The following MYO16 variants were observed in gnomAD, a reference collection of about 807,000 sequenced individuals.
MYO16 encodes the protein unconventional myosin-XVI.
Under a neutral mutation model 205.3 loss-of-function variants are expected in MYO16, and 94 were observed. That is an observed-to-expected ratio of 0.46 (90% CI 0.39 to 0.54). The LOEUF is 0.54. MYO16 is among the 20% of genes least tolerant of loss of function. The pLI is 0.00. For synonymous variants in MYO16, 988 were observed against 954.0 expected (o/e 1.04, Z -0.66); for missense variants, 2,315 against 2,387.5 (o/e 0.97, Z 0.63).
chr13:108,663,371 C>T (rs890946450), intron 1 of MYO16, among the ~76,000 whole-genome samples: 13 of 151,810 alleles, frequency 8.6e-5, no homozygotes, highest in Non-Finnish European at 1.5e-4. Context: ...TAGACATATA[C>T]GTACATGACA....
intron 1 of MYO16, among the ~76,000 whole-genome samples, chr13:108,641,548 T>C (rs1594168037): frequency 6.6e-6 from 1 of 152,168 alleles, no homozygotes; most frequent in Admixed American, 6.5e-5. Flanking sequence ...ATTTTAACTA[T>C]ATTAAAGTCA....
At chr13:108,560,722 A>G in the MYO16 span, among the ~76,000 whole-genome samples, 1 of 152,216 alleles carries the variant, frequency 6.6e-6, no homozygotes, top group Non-Finnish European at 1.5e-5. Flanking sequence ...TAGGAAATAC[A>G]AACAAAAGTT....
intron 1 of MYO16, among the ~76,000 whole-genome samples, chr13:108,615,177 T>C (rs895465303): frequency 6.6e-6 from 1 of 152,006 alleles, no homozygotes; most frequent in African/African-American, 2.4e-5. Flanking sequence ...ACATAAACAA[T>C]TGATCAATAA....
At chr13:108,802,985 A>G (rs1197336936) in intron 6 of MYO16, among the ~76,000 whole-genome samples, 2 of 152,238 alleles carry the variant, frequency 1.3e-5, no homozygotes, top group Non-Finnish European at 2.9e-5. Flanking sequence ...ATCGTTAAAT[A>G]GAAATAAATG....
At chr13:109,023,145 T>G (rs2139527451) in intron 23 of MYO16, among the ~76,000 whole-genome samples, 1 of 130,520 alleles carries the variant, frequency 7.7e-6, no homozygotes, top group South Asian at 2.3e-4. Flanking sequence ...ATGTATATGT[T>G]TATGTATTAT....
At chr13:108,540,429 G>T in the MYO16 span, among the ~76,000 whole-genome samples, 10,247 of 152,110 alleles carry the variant, frequency 0.067, 445 homozygotes, top group Admixed American at 0.12. Context: ...TTTACTCACA[G>T]TGACACTTTA....
intron 9 of MYO16, among the ~76,000 whole-genome samples, chr13:108,835,656 T>G (rs1251965688): frequency 6.6e-6 from 1 of 152,116 alleles, no homozygotes; most frequent in East Asian, 1.9e-4. Context: ...TTGACCAAAA[T>G]GCAGATAGTG....
the MYO16 span, among the ~76,000 whole-genome samples, chr13:108,508,531 T>C: frequency 1.3e-5 from 2 of 152,200 alleles, no homozygotes; most frequent in African/African-American, 2.4e-5. Flanking sequence ...ATCTAAAGTA[T>C]GCAAGTTTTG....
In MYO16 at chr13:108,802,213, G is replaced by A. The variant is rs60431935; in HGVS notation, c.742-4466G>A. Among the ~76,000 whole-genome samples, 512 of 152,068 alleles carry A rather than the reference G, an allele frequency of 3.4e-3. 24 individuals carry two copies. In the East Asian group the frequency reaches 0.084, roughly 25 times the overall value. On this transcript the variant is annotated intron_variant, in intron 6 of 34. Transcript: ENST00000457511. ...ATTTCTGCTGTCTAGTTGAAACTTC[G>A]AACCCTTCGACCAACAACTCTTCAT...
chr13:109,195,258 A>C (rs970698323), intron 34 of MYO16, among the ~76,000 whole-genome samples: 1 of 152,174 alleles, frequency 6.6e-6, no homozygotes, highest in Non-Finnish European at 1.5e-5. Flanking sequence ...CTTTTAAAGG[A>C]TATTTTCCCC....
chr13:109,081,929 A>T (rs1031217213), intron 27 of MYO16, among the ~76,000 whole-genome samples: 11 of 152,038 alleles, frequency 7.2e-5, no homozygotes, highest in African/African-American at 2.7e-4. Context: ...AAATCCACTC[A>T]GCAGCCTGTT....
intron 32 of MYO16, among the ~76,000 whole-genome samples, chr13:109,150,646 C>T (rs1346362820): frequency 3.3e-5 from 5 of 152,180 alleles, no homozygotes; most frequent in Admixed American, 2.6e-4. Context: ...CCTTTACAAC[C>T]GGGATGCTCT....
Position 109,162,397 on chromosome 13 carries a change from C to G in MYO16, c.5165-2504C>G, listed in dbSNP as rs911533155. 1.3e-5 allele frequency among the ~76,000 whole-genome samples: 2 copies of G among 152,160 alleles called. No individual in the cohort carries two copies. The highest frequency in any genetic ancestry group is 4.8e-5 in the African/African-American group (2 of 41,430). The stretch of plus-strand genomic sequence containing the variant: ...AGTTCCTCTTTGGTGGTTTCCCAGG[C>G]CCTGACTCATTAGTACCTGGTTTCT... On this transcript the variant is annotated intron_variant, in intron 32 of 34. Transcript: ENST00000457511. The surrounding 1 kb of genome is among the most constrained non-coding windows in gnomAD (Gnocchi z 4.6).
At position 108,881,378 on chromosome 13, in the gene MYO16, G is replaced by A. The variant is rs144299393; in HGVS notation, c.1426-1681G>A. Among the ~76,000 whole-genome samples, 1,032 of 152,230 alleles carry A rather than the reference G, an allele frequency of 6.8e-3. 8 individuals carry two copies. Among genetic ancestry groups the A allele is most frequent in the South Asian group, 0.014 (67 of 4,824 alleles). On this transcript the variant is annotated intron_variant, in intron 12 of 34. Coordinates refer to ENST00000457511, the MANE Select transcript of MYO16 (RefSeq NM_001198950.3). The stretch of plus-strand genomic sequence containing the variant: ...AGCTGAAAATTCTAAAAATCAGAGC[G>A]CTTCTTCTCTTCCAAAGGAACGCAG...
chr13:108,689,604 C>G (rs1420379874), intron 2 of MYO16, among the ~76,000 whole-genome samples: 1 of 152,002 alleles, frequency 6.6e-6, no homozygotes, highest in Non-Finnish European at 1.5e-5. Context: ...CAAAACTTAG[C>G]TATGCTGAAC....
At chr13:108,913,843 A>G (rs1455171060) in intron 16 of MYO16, among the ~76,000 whole-genome samples, 1 of 152,232 alleles carries the variant, frequency 6.6e-6, no homozygotes, top group Admixed American at 6.5e-5. Flanking sequence ...CCCAGCGGCC[A>G]TACTTCAACC....
At chr13:108,982,082 G>A (rs1884464239) in intron 20 of MYO16, among the ~76,000 whole-genome samples, 1 of 152,178 alleles carries the variant, frequency 6.6e-6, no homozygotes, top group Non-Finnish European at 1.5e-5. Context: ...GAAGCCCCTG[G>A]AGGAAATGAA....
chr13:109,112,717 T>C (rs1349969744), intron 28 of MYO16, among the ~76,000 whole-genome samples: 1 of 152,132 alleles, frequency 6.6e-6, no homozygotes, highest in Non-Finnish European at 1.5e-5. Context: ...ATCATGCCAT[T>C]GCACTCCAGC....
At chr13:109,113,033 TG>T (rs1875475155) in intron 28 of MYO16, among the ~76,000 whole-genome samples, 2 of 152,216 alleles carry the variant, frequency 1.3e-5, no homozygotes, top group African/African-American at 4.8e-5. Context: ...GGTACACTAG[TG>T]ACATGGATGT....
Sources: gnomAD v4.1 joint callset for allele counts (sites outside exome capture counted in the v4.1 genomes callset) on GRCh38, gnomAD v4.1.1 for gene constraint, Gnocchi (gnomAD v3.1) non-coding constraint, MANE v1.5 for transcripts, NCBI Gene and HGNC (gene_info 2026-07-23, HGNC 2026-07-21) for gene names.